The following DCC variants were observed in gnomAD, a reference collection of about 807,000 sequenced individuals.
The protein encoded by DCC is netrin receptor DCC.
DCC carries 58 observed loss-of-function variants against 172.5 expected under a neutral mutation model. That is an observed-to-expected ratio of 0.34 (90% CI 0.27 to 0.42). The LOEUF is 0.42. Among genes scored for constraint, DCC ranks in the 10% least tolerant of loss-of-function variants. The probability of loss-of-function intolerance (pLI) is 1.00; values close to 1 mark genes in which losing one functional copy is unlikely to be tolerated. For missense variants in DCC, 1,740 were observed against 1,791.0 expected (o/e 0.97, Z 0.51); for synonymous variants, 709 against 644.5 (o/e 1.10, Z -1.52).
At chr18:53,174,782 T>A (rs2055065095) in intron 8 of DCC, among the ~76,000 whole-genome samples, 1 of 150,742 alleles carries the variant, frequency 6.6e-6, no homozygotes, top group South Asian at 2.1e-4. Flanking sequence ...TCTGAAACTA[T>A]TCCAATCAAT....
At chr18:53,307,772 G>C (rs1358040076) in intron 13 of DCC, among the ~76,000 whole-genome samples, 3 of 150,324 alleles carry the variant, frequency 2.0e-5, no homozygotes, top group African/African-American at 7.3e-5. Context: ...TTTGATTAAA[G>C]TAATAAAGAT....
chr18:52,441,970 C>A (rs1462526234), intron 1 of DCC, among the ~76,000 whole-genome samples: 1 of 152,130 alleles, frequency 6.6e-6, no homozygotes, highest in Non-Finnish European at 1.5e-5. Context: ...GCACCATAAA[C>A]CATAGTCATC....
rs1339716562 is a variant in DCC at position 53,522,705 on chromosome 18, C to G, written c.4112-3912C>G. Among the ~76,000 whole-genome samples the G allele has an allele frequency of 2.0e-5, 3 of 152,234 alleles. No individual in the cohort carries two copies. The Middle Eastern group carries it at 0.01, about 518-fold the overall frequency. On this transcript the variant is annotated intron_variant, in intron 27 of 28. Transcript: ENST00000442544. ...TAATAAATGGTGTTGGGAAAACTGG[C>G]TAGCCATATGCAGAAAACTGAAACC...
At chr18:52,742,291 C>G (rs1292322267) in intron 1 of DCC, among the ~76,000 whole-genome samples, 1 of 152,166 alleles carries the variant, frequency 6.6e-6, no homozygotes, top group Non-Finnish European at 1.5e-5. Context: ...CTCAATGAAA[C>G]CTTCTCCAAA....
chr18:52,980,185 T>TA (rs1246106708), intron 5 of DCC, among the ~76,000 whole-genome samples: 1 of 152,200 alleles, frequency 6.6e-6, no homozygotes, highest in Admixed American at 6.5e-5. Flanking sequence ...GATGAGCTCT[T>TA]ACTCACCCAG....
rs2046070422 is a variant in DCC at position 53,499,523 on chromosome 18, G to A, written c.4111+13G>A. ...TTGTCTCAGCCAGGTAAAGTACTCGGTTGTTCACCTTTAAAATTCTTATTA... is the reference window on the plus strand; with the variant it reads ...TTGTCTCAGCCAGGTAAAGTACTCGATTGTTCACCTTTAAAATTCTTATTA... On this transcript the variant is annotated intron_variant, in intron 27 of 28. Transcript: ENST00000442544. The A allele has an allele frequency of 6.2e-7, 1 of 1,601,878 alleles. No homozygotes were observed. The highest frequency in any genetic ancestry group is 2.2e-5 in the East Asian group (1 of 44,812).
At chr18:53,102,379 G>C (rs1265881387) in intron 7 of DCC, among the ~76,000 whole-genome samples, 1 of 152,068 alleles carries the variant, frequency 6.6e-6, no homozygotes, top group Non-Finnish European at 1.5e-5. Flanking sequence ...GGAGATAAGT[G>C]ATCATTCCGT....
intron 1 of DCC, among the ~76,000 whole-genome samples, chr18:52,372,061 A>G (rs1323791713): frequency 6.6e-6 from 1 of 152,228 alleles, no homozygotes; most frequent in African/African-American, 2.4e-5. Context: ...AAATTACAGA[A>G]TATCAGAATA....
intron 1 of DCC, among the ~76,000 whole-genome samples, chr18:52,655,748 T>C (rs1037763183): frequency 2.0e-5 from 3 of 152,176 alleles, no homozygotes; most frequent in East Asian, 1.9e-4. Flanking sequence ...ATCTAGATTC[T>C]ACCTTGGAGG....
At chr18:53,441,767 C>A (rs1207254352) in intron 22 of DCC, among the ~76,000 whole-genome samples, 1 of 152,230 alleles carries the variant, frequency 6.6e-6, no homozygotes, top group African/African-American at 2.4e-5. Context: ...GCTTCCACCA[C>A]TGACCCCTCT....
intron 1 of DCC, among the ~76,000 whole-genome samples, chr18:52,527,111 TG>T (rs2032006113): frequency 6.6e-6 from 1 of 152,216 alleles, no homozygotes; most frequent in South Asian, 2.1e-4. Flanking sequence ...TCCATCTATC[TG>T]GATTAACAAA....
At chr18:53,175,270 A>G (rs1160933346) in intron 8 of DCC, among the ~76,000 whole-genome samples, 1 of 151,824 alleles carries the variant, frequency 6.6e-6, no homozygotes, top group Non-Finnish European at 1.5e-5. Flanking sequence ...CTGGCACAAG[A>G]CAGGGATGCC....
At chr18:52,989,652 A>G (rs1432975531) in intron 5 of DCC, among the ~76,000 whole-genome samples, 1 of 152,234 alleles carries the variant, frequency 6.6e-6, no homozygotes, top group Non-Finnish European at 1.5e-5. Context: ...ATGAATCTAG[A>G]GAACACACAC....
chr18:53,507,844 T>G (rs1253125029), intron 27 of DCC, among the ~76,000 whole-genome samples: 2 of 152,132 alleles, frequency 1.3e-5, no homozygotes, highest in East Asian at 3.8e-4. Flanking sequence ...TTTTATGTAT[T>G]TTTCTACTTC....
chr18:53,450,120 G>GAT (rs59116255), intron 22 of DCC, among the ~76,000 whole-genome samples: 44,192 of 146,264 alleles, frequency 0.3, 7,188 homozygotes, highest in East Asian at 0.5. Context: ...ATCATAGGGG[G>GAT]ATATATATAT....
At chr18:52,391,874 G>A (rs1427557247) in intron 1 of DCC, among the ~76,000 whole-genome samples, 2 of 152,118 alleles carry the variant, frequency 1.3e-5, no homozygotes, top group Non-Finnish European at 2.9e-5. Context: ...TCTTTGGAAG[G>A]CGTCTTACAG....
chr18:53,484,815 T>C (rs1039063826), intron 25 of DCC, among the ~76,000 whole-genome samples: 16 of 151,994 alleles, frequency 1.1e-4, no homozygotes, highest in Admixed American at 9.2e-4. Flanking sequence ...TTTCTATCTC[T>C]GTGAAGAATG....
chr18:53,405,289 T>G (rs2145043178), intron 19 of DCC, among the ~76,000 whole-genome samples: 1 of 152,274 alleles, frequency 6.6e-6, no homozygotes, highest in South Asian at 2.1e-4. Flanking sequence ...TTGTTTTGTT[T>G]TCCTAAATCT....
chr18:53,429,263 G>GACAACTTTTTTCACCTATC (rs1319248002), intron 21 of DCC, among the ~76,000 whole-genome samples: 1 of 146,560 alleles, frequency 6.8e-6, no homozygotes, highest in Non-Finnish European at 1.5e-5. Context: ...TTTAGAAGAT[G>GACAACTTTTTTCACCTATC]GTCTCTGCAA....
Sources: gnomAD v4.1 joint callset for allele counts (sites outside exome capture counted in the v4.1 genomes callset) on GRCh38, gnomAD v4.1.1 for gene constraint, MANE v1.5 for transcripts, NCBI Gene and HGNC (gene_info 2026-07-23, HGNC 2026-07-21) for gene names.